Variants in DLG2 observed in about 807,000 individuals in gnomAD.
DLG2 encodes the protein discs large MAGUK scaffold protein 2.
A neutral mutation model predicts 132.5 loss-of-function variants in DLG2; 45 were observed. The observed-to-expected ratio is 0.34, with a 90% CI of 0.27 to 0.44. The LOEUF is 0.44. DLG2 is among the 20% of genes least tolerant of loss of function. DLG2 has a pLI of 1.00. For synonymous variants in DLG2, 424 were observed against 419.6 expected (o/e 1.01, Z -0.13); for missense variants, 1,045 against 1,196.9 (o/e 0.87, Z 1.87).
chr11:85,170,257 A>T (rs1370781833), intron 4 of DLG2, among the ~76,000 whole-genome samples: 1 of 152,190 alleles, frequency 6.6e-6, no homozygotes, highest in African/African-American at 2.4e-5. Flanking sequence ...AAGGAACTTC[A>T]GTAAGGCCTG....
intron 4 of DLG2, among the ~76,000 whole-genome samples, chr11:85,172,527 G>T (rs1484318028): frequency 6.6e-6 from 1 of 152,204 alleles, no homozygotes; most frequent in African/African-American, 2.4e-5. Flanking sequence ...ATGCAAAAAT[G>T]CTGAAAACTC....
chr11:84,378,807 T>A (rs566107283), intron 7 of DLG2, among the ~76,000 whole-genome samples: 2 of 150,586 alleles, frequency 1.3e-5, no homozygotes, highest in South Asian at 4.2e-4. Flanking sequence ...TAGTTGGGCG[T>A]GGTGGCGCAC....
At chr11:84,937,114 T>G (rs530795222) in intron 6 of DLG2, among the ~76,000 whole-genome samples, 12 of 152,294 alleles carry the variant, frequency 7.9e-5, no homozygotes, top group African/African-American at 2.9e-4. Context: ...ATCATGCCAT[T>G]GCACTCCAGT....
Position 84,741,442 on chromosome 11 carries a change from G to A in DLG2, c.358-206711C>T, listed in dbSNP as rs532056021. On this transcript the variant is annotated intron_variant, in intron 6 of 27. Coordinates refer to ENST00000376104, the MANE Select transcript of DLG2 (RefSeq NM_001142699.3). ...GGGCCAACCTACTGTGTGTATACAC[G>A]TACCCTTGATCTAAGAAACAACCTA... is the stretch of plus-strand genomic sequence containing the variant. 3.3e-5 allele frequency among the ~76,000 whole-genome samples: 5 copies of A among 151,668 alleles called. No homozygotes were observed. The South Asian group carries it at 8.4e-4, about 25-fold the overall frequency.
In DLG2 at chr11:85,511,921, C is replaced by T. The variant is rs575785569; in HGVS notation, c.40+86736G>A. Among the ~76,000 whole-genome samples the T allele has an allele frequency of 2.2e-4, 34 of 151,828 alleles. 1 individual carries two copies. The South Asian group carries it at 4.6e-3, about 20-fold the overall frequency. ...GCTAATTTCTTGTTTTTTGCAGAGA[C>T]GGGGTCTTAGTATGTTGCCCAGGCT... is the stretch of plus-strand genomic sequence containing the variant. On this transcript the variant is annotated intron_variant, in intron 3 of 27. Coordinates refer to ENST00000376104, the MANE Select transcript of DLG2 (RefSeq NM_001142699.3).
intron 7 of DLG2, among the ~76,000 whole-genome samples, chr11:84,410,574 C>CTTTTTTTTT (rs367980167): frequency 1.8e-5 from 2 of 109,124 alleles, no homozygotes; most frequent in East Asian, 2.7e-4. Flanking sequence ...ACCACATAAA[C>CTTTTTTTTT]TTTTTTTTTT....
At chr11:85,063,933 C>T (rs949938936) in intron 6 of DLG2, among the ~76,000 whole-genome samples, 1 of 151,796 alleles carries the variant, frequency 6.6e-6, no homozygotes, top group African/African-American at 2.4e-5. Context: ...AGACTAAATA[C>T]TTGTTGACTC....
intron 19 of DLG2, among the ~76,000 whole-genome samples, chr11:83,585,268 C>T (rs185786670): frequency 2.8e-4 from 42 of 152,274 alleles, no homozygotes; most frequent in Non-Finnish European, 7.4e-5. Context: ...AAGATCAGTT[C>T]CCCAACAGGA....
chr11:85,012,061 C>A (rs1416453123), intron 6 of DLG2, among the ~76,000 whole-genome samples: 1 of 151,866 alleles, frequency 6.6e-6, no homozygotes, highest in Admixed American at 6.6e-5. Context: ...GTGGCTCATG[C>A]CTGTAATCCC....
intron 3 of DLG2, among the ~76,000 whole-genome samples, chr11:85,301,830 A>G (rs1265145729): frequency 6.6e-6 from 1 of 152,224 alleles, no homozygotes; most frequent in African/African-American, 2.4e-5. Flanking sequence ...AGCAGCTGCC[A>G]CAATTTCTCT....
intron 7 of DLG2, among the ~76,000 whole-genome samples, chr11:84,331,499 A>T (rs1157093375): frequency 6.7e-6 from 1 of 149,710 alleles, no homozygotes; most frequent in Non-Finnish European, 1.5e-5. Context: ...TGAAACTTCT[A>T]CCTTTCTTTT....
At chr11:84,292,522 G>C (rs2098017569) in intron 7 of DLG2, among the ~76,000 whole-genome samples, 1 of 152,142 alleles carries the variant, frequency 6.6e-6, no homozygotes, top group Admixed American at 6.6e-5. Context: ...ATTGAGTTCA[G>C]GGGTATGTTA....
At chr11:84,834,235 C>A (rs1344288213) in intron 6 of DLG2, among the ~76,000 whole-genome samples, 1 of 151,260 alleles carries the variant, frequency 6.6e-6, no homozygotes, top group African/African-American at 2.4e-5. Flanking sequence ...AAGTTTAGAC[C>A]CCAAATCTAT....
chr11:84,447,943 A>C (rs1355449534), intron 7 of DLG2, among the ~76,000 whole-genome samples: 2 of 152,154 alleles, frequency 1.3e-5, no homozygotes, highest in African/African-American at 4.8e-5. Flanking sequence ...GCCAGCAGTC[A>C]AGAAGGAATA....
chr11:85,115,122 A>G (rs527994029), intron 5 of DLG2, among the ~76,000 whole-genome samples: 2 of 151,958 alleles, frequency 1.3e-5, no homozygotes, highest in Non-Finnish European at 2.9e-5. Flanking sequence ...GAAGTATTGC[A>G]TGATAGAACT....
chr11:84,944,682 G>A (rs755756263), intron 6 of DLG2, among the ~76,000 whole-genome samples: 7 of 144,700 alleles, frequency 4.8e-5, no homozygotes, highest in Admixed American at 7.1e-5. Flanking sequence ...TCGGCTCACC[G>A]CAACCTCTAC....
intron 3 of DLG2, among the ~76,000 whole-genome samples, chr11:85,314,740 C>T (rs1332553152): frequency 6.6e-6 from 1 of 151,826 alleles, no homozygotes; most frequent in Non-Finnish European, 1.5e-5. Flanking sequence ...CATGAATTGC[C>T]CTACCAGCTC....
chr11:83,850,442 C>A (rs993916870), intron 16 of DLG2, among the ~76,000 whole-genome samples: 1 of 152,064 alleles, frequency 6.6e-6, no homozygotes, highest in African/African-American at 2.4e-5. Context: ...CATGAGCCAC[C>A]GCGGCAGCCC....
chr11:84,626,082 G>C (rs1034044130), intron 6 of DLG2, among the ~76,000 whole-genome samples: 1 of 152,096 alleles, frequency 6.6e-6, no homozygotes, highest in East Asian at 1.9e-4. Context: ...AGACTAGTTC[G>C]GGTGATTCAG....
Sources: gnomAD v4.1 joint callset for allele counts (sites outside exome capture counted in the v4.1 genomes callset) on GRCh38, gnomAD v4.1.1 for gene constraint, MANE v1.5 for transcripts, NCBI Gene and HGNC (gene_info 2026-07-23, HGNC 2026-07-21) for gene names.